MAGI1: variants seen among roughly 807,000 people sequenced by gnomAD.
MAGI1 encodes the protein membrane associated guanylate kinase, WW and PDZ domain containing 1, also known as membrane-associated guanylate kinase, WW and PDZ domain-containing protein 1.
In MAGI1, 58 loss-of-function variants were observed where a neutral mutation model predicts 139.9. That is an observed-to-expected ratio of 0.41 (90% CI 0.34 to 0.52). The LOEUF (loss-of-function observed/expected upper bound fraction) is 0.52. Among genes scored for constraint, MAGI1 ranks in the 20% least tolerant of loss-of-function variants. The pLI is 0.12. For missense variants in MAGI1, 1,874 were observed against 1,901.6 expected, an observed-to-expected ratio of 0.99 and a Z score of 0.27; for synonymous variants, 812 against 737.9, an observed-to-expected ratio of 1.10 and a Z score of -1.63.
chr3:65,491,815 A>G (rs1952057088), intron 3 of MAGI1, among the ~76,000 whole-genome samples: 2 of 152,070 alleles, frequency 1.3e-5, no homozygotes, highest in South Asian at 4.1e-4. Context: ...ACTGATAATT[A>G]GCAACACTCA....
At chr3:65,820,913 T>G (rs1309424719) in intron 1 of MAGI1, among the ~76,000 whole-genome samples, 1 of 152,104 alleles carries the variant, frequency 6.6e-6, no homozygotes, top group Non-Finnish European at 1.5e-5. Context: ...CTCACAGTAA[T>G]AATTCTAATT....
chr3:65,706,461 A>C (rs1457939549), intron 1 of MAGI1, among the ~76,000 whole-genome samples: 6 of 151,968 alleles, frequency 3.9e-5, no homozygotes, highest in Non-Finnish European at 8.8e-5. Context: ...TGCGCCCAGC[A>C]CCTCCTGGGT....
chr3:65,439,728 G>A (rs1948118239), intron 9 of MAGI1, 151 bp downstream of exon 9: 9 of 1,466,678 alleles, frequency 6.1e-6, no homozygotes, highest in South Asian at 1.3e-5. Context: ...TGGAGAGGGG[G>A]TTCTCTTCCT....
intron 1 of MAGI1, among the ~76,000 whole-genome samples, chr3:65,638,030 T>C (rs1444738044): frequency 6.6e-6 from 1 of 152,090 alleles, no homozygotes; most frequent in Non-Finnish European, 1.5e-5. Flanking sequence ...AGGATGATAC[T>C]GCTAATTAAA....
chr3:66,017,831 A>G (rs1197460414), intron 1 of MAGI1, among the ~76,000 whole-genome samples: 1 of 152,156 alleles, frequency 6.6e-6, no homozygotes, highest in African/African-American at 2.4e-5. Context: ...TGAGAGCTGG[A>G]AGTCATCCCA....
At chr3:65,747,906 C>T (rs567667112) in intron 1 of MAGI1, among the ~76,000 whole-genome samples, 3 of 152,256 alleles carry the variant, frequency 2.0e-5, no homozygotes, top group East Asian at 1.9e-4. Flanking sequence ...AGCCAGCGGG[C>T]GAGGCAGGGG....
intron 1 of MAGI1, among the ~76,000 whole-genome samples, chr3:65,868,382 C>G (rs1241773601): frequency 6.6e-6 from 1 of 152,130 alleles, no homozygotes; most frequent in East Asian, 1.9e-4. Context: ...AAACAAATCT[C>G]AAAGACGTGA....
intron 2 of MAGI1, among the ~76,000 whole-genome samples, chr3:65,588,625 ATC>A (rs1167406203): frequency 6.6e-6 from 1 of 152,164 alleles, no homozygotes; most frequent in Non-Finnish European, 1.5e-5. Context: ...CAGAAATAAC[ATC>A]TCTGAGTTCT....
At chr3:65,808,931 T>C (rs996870674) in intron 1 of MAGI1, among the ~76,000 whole-genome samples, 1 of 152,180 alleles carries the variant, frequency 6.6e-6, no homozygotes, top group Non-Finnish European at 1.5e-5. Flanking sequence ...TGTGTCTCCA[T>C]GGGTAATCTA....
At chr3:65,944,431 T>C (rs898623331) in intron 1 of MAGI1, among the ~76,000 whole-genome samples, 4 of 151,440 alleles carry the variant, frequency 2.6e-5, no homozygotes, top group Non-Finnish European at 5.9e-5. Context: ...GGTTGGAGGA[T>C]AGTTTGAGCC....
chr3:65,543,066 C>A (rs948921785), intron 2 of MAGI1, among the ~76,000 whole-genome samples: 7 of 150,490 alleles, frequency 4.7e-5, no homozygotes, highest in African/African-American at 9.8e-5. Context: ...AAAAAAAAAA[C>A]AAACAACCCC....
chr3:65,598,025 G>C (rs955050810), intron 2 of MAGI1: 28 of 419,360 alleles, frequency 6.7e-5, no homozygotes, highest in Non-Finnish European at 1.3e-4. Flanking sequence ...CTGGCAGCAG[G>C]AGCAGCTGAT....
chr3:65,829,278 A>G (rs1318558315), intron 1 of MAGI1, among the ~76,000 whole-genome samples: 1 of 152,200 alleles, frequency 6.6e-6, no homozygotes, highest in Non-Finnish European at 1.5e-5. Context: ...TTTAAAATCA[A>G]AAGGAACCAA....
chr3:65,923,641 G>C (rs1297515135), intron 1 of MAGI1, among the ~76,000 whole-genome samples: 2 of 152,136 alleles, frequency 1.3e-5, no homozygotes, highest in Non-Finnish European at 2.9e-5. Flanking sequence ...CTACCCTCTA[G>C]CAAGAATGAG....
At chr3:65,791,638 T>C (rs1007431380) in intron 1 of MAGI1, among the ~76,000 whole-genome samples, 2 of 152,116 alleles carry the variant, frequency 1.3e-5, no homozygotes, top group Non-Finnish European at 2.9e-5. Context: ...ATGAAATCAA[T>C]ACCATATGCT....
intron 1 of MAGI1, among the ~76,000 whole-genome samples, chr3:65,931,661 C>G (rs2062813540): frequency 6.6e-6 from 1 of 152,156 alleles, no homozygotes; most frequent in African/African-American, 2.4e-5. Context: ...AAGACCTTGT[C>G]TCAACAACAA....
At chr3:65,801,351 CT>C (rs919754382) in intron 1 of MAGI1, among the ~76,000 whole-genome samples, 35 of 152,272 alleles carry the variant, frequency 2.3e-4, no homozygotes, top group African/African-American at 8.4e-4. Context: ...AAATCCAAAG[CT>C]TTGAAATGGT....
chr3:65,725,528 A>C (rs573041420), intron 1 of MAGI1, among the ~76,000 whole-genome samples: 1 of 152,288 alleles, frequency 6.6e-6, no homozygotes, highest in East Asian at 1.9e-4. Context: ...ACTCTGCCAA[A>C]CCCTGGTGGC....
At chr3:65,370,802 A>G (rs1941911541) in intron 18 of MAGI1, among the ~76,000 whole-genome samples, 1 of 152,160 alleles carries the variant, frequency 6.6e-6, no homozygotes, top group Admixed American at 6.5e-5. Flanking sequence ...CTACGGGTGC[A>G]AGCCACCTCT....
Sources: gnomAD v4.1 joint callset for allele counts (sites outside exome capture counted in the v4.1 genomes callset) on GRCh38, gnomAD v4.1.1 for gene constraint, MANE v1.5 for transcripts, NCBI Gene and HGNC (gene_info 2026-07-23, HGNC 2026-07-21) for gene names.